Variants in HERPUD2 observed in about 807,000 individuals in gnomAD.
The protein encoded by HERPUD2 is HERPUD family member 2.
HERPUD2 carries 13 observed loss-of-function variants against 49.9 expected under a neutral mutation model. That is an observed-to-expected ratio of 0.26 (90% CI 0.17 to 0.41). The LOEUF (loss-of-function observed/expected upper bound fraction) is 0.41. Ranked by LOEUF, HERPUD2 falls within the 10% of genes least tolerant of loss-of-function variation. The pLI, the probability that HERPUD2 is intolerant of heterozygous loss-of-function variation, is 1.00. For missense variants in HERPUD2, 449 were observed against 492.2 expected (o/e 0.91, Z 0.83); for synonymous variants, 172 against 171.4 (o/e 1.00, Z -0.03).
At chr7:35,670,556 T>C (rs563253163) in intron 3 of HERPUD2, among the ~76,000 whole-genome samples, 13 of 152,200 alleles carry the variant, frequency 8.5e-5, no homozygotes, top group African/African-American at 2.4e-4. Context: ...CTGCAATTGC[T>C]GGGTTAAAAA....
Position 35,635,453 on chromosome 7 carries a change from G to C in HERPUD2, c.623C>G (p.Ala208Gly), listed in dbSNP as rs1263174544. The C allele has an allele frequency of 1.9e-6, 3 of 1,608,138 alleles. No homozygotes were observed. The highest frequency in any genetic ancestry group is 2.6e-6 in the Non-Finnish European group (3 of 1,175,714). Residue 208 changes from alanine (A) to glycine (G), a missense_variant, in exon 7 of 9, where the codon GCT (alanine) becomes GGT (glycine). Physicochemically the swap from Ala to Gly is moderately conservative, Grantham distance 60. Coordinates refer to ENST00000311350, the MANE Select transcript of HERPUD2 (RefSeq NM_022373.5). ...YAHQYYMQYQ[A>G]AVSAQATSNV... The stretch of plus-strand genomic sequence containing the variant: ...TGATGTGGCCTGAGCTGAAACTGCA[G>C]CTTGACTGAAATAGTCACCAAAATA...
At chr7:35,677,326 T>C (rs1018352790) in intron 2 of HERPUD2, among the ~76,000 whole-genome samples, 15 of 152,238 alleles carry the variant, frequency 9.9e-5, no homozygotes, top group African/African-American at 3.6e-4. Flanking sequence ...TTTTAACAAA[T>C]GCACAATCCT....
At chr7:35,689,670 G>A (rs1224294479) in intron 2 of HERPUD2, among the ~76,000 whole-genome samples, 2 of 152,056 alleles carry the variant, frequency 1.3e-5, no homozygotes, top group Non-Finnish European at 2.9e-5. Flanking sequence ...GAGAGTAAAG[G>A]AACAGTTTGA....
chr7:35,641,617 AACAG>A lies in HERPUD2; in HGVS notation c.495-3149_495-3146del, dbSNP rs1434202485. Among the ~76,000 whole-genome samples the A allele has an allele frequency of 2.0e-5, 3 of 152,218 alleles. No individual in the cohort carries two copies. The East Asian group carries it at 5.8e-4, about 29-fold the overall frequency. On this transcript the variant is annotated intron_variant, in intron 5 of 8. Coordinates refer to ENST00000311350, the MANE Select transcript of HERPUD2 (RefSeq NM_022373.5). ...CAAACCAGCACAGTACTGGTACAAAAACAGACACACAGACCAATGGAACAAAATA... is the reference window on the plus strand; with the variant it reads ...CAAACCAGCACAGTACTGGTACAAAAACACACAGACCAATGGAACAAAATA...
chr7:35,641,713 T>C (rs543607088), intron 5 of HERPUD2, among the ~76,000 whole-genome samples: 3 of 152,082 alleles, frequency 2.0e-5, no homozygotes, highest in Non-Finnish European at 2.9e-5. Context: ...AAACAAGCAA[T>C]GGGAAAACTA....
chr7:35,647,185 C>T (rs554827578), intron 5 of HERPUD2, among the ~76,000 whole-genome samples: 1 of 152,252 alleles, frequency 6.6e-6, no homozygotes, highest in East Asian at 1.9e-4. Context: ...CAAGCAGCAA[C>T]CTCATGGAAT....
intron 5 of HERPUD2, among the ~76,000 whole-genome samples, chr7:35,648,079 C>A (rs183090855): frequency 1.3e-5 from 2 of 152,140 alleles, no homozygotes; most frequent in African/African-American, 4.8e-5. Flanking sequence ...CATATCTGTA[C>A]AAGTAAAGAG....
chr7:35,658,561 A>T (rs1007122207), intron 5 of HERPUD2, among the ~76,000 whole-genome samples: 5 of 152,254 alleles, frequency 3.3e-5, no homozygotes. Context: ...TGTAATGATC[A>T]TCACATGAAC....
At chr7:35,663,660 C>T (rs1324783931) in intron 5 of HERPUD2, among the ~76,000 whole-genome samples, 2 of 152,150 alleles carry the variant, frequency 1.3e-5, no homozygotes, top group African/African-American at 4.8e-5. Context: ...TATGTAATGG[C>T]CTTTTGTCTC....
intron 5 of HERPUD2, among the ~76,000 whole-genome samples, chr7:35,665,385 G>T (rs1785515310): frequency 6.6e-6 from 1 of 152,242 alleles, no homozygotes; most frequent in Non-Finnish European, 1.5e-5. Context: ...CTAGCAATGA[G>T]CAGGGCTCCT....
chr7:35,693,263 ATGG>A (rs1275765240), intron 2 of HERPUD2, among the ~76,000 whole-genome samples: 1 of 152,192 alleles, frequency 6.6e-6, no homozygotes, highest in Non-Finnish European at 1.5e-5. Flanking sequence ...GATGCACCAA[ATGG>A]TGGTGGGGTG....
chr7:35,695,117 G>A lies in HERPUD2; in HGVS notation c.-614C>T, dbSNP rs1786294367. On this transcript the variant is annotated 5_prime_UTR_variant, in exon 1 of 9. Transcript: ENST00000311350. ...GACGAGAGCCGTTGCGCCACCGCTG[G>A]CGCGCCGGTTTTGTTGTTATTGCGA... 6.6e-6 allele frequency: 1 copy of A among 152,490 alleles called. No individual in the cohort carries two copies. The highest frequency in any genetic ancestry group is 1.5e-5 in the Non-Finnish European group (1 of 68,246). 9.4% of individuals were successfully genotyped at this position (152,490 alleles called of 1,614,324 possible).
intron 5 of HERPUD2, among the ~76,000 whole-genome samples, chr7:35,647,297 C>T (rs1010929065): frequency 1.3e-5 from 2 of 152,126 alleles, no homozygotes; most frequent in African/African-American, 2.4e-5. Context: ...ACCTCTGAAG[C>T]CCTTCCCACT....
rs372586945 is a variant in HERPUD2, at chr7:35,661,991, G to C, written c.494+5443C>G. On this transcript the variant is annotated intron_variant, in intron 5 of 8. Transcript: ENST00000311350. ...AATGCTTCCAGTTTTTGCCCATTCA[G>C]TATGATATTGGCTGTGGGTGTGTCA... Among the ~76,000 whole-genome samples, 53 of 152,318 alleles carry C rather than the reference G, an allele frequency of 3.5e-4. No homozygotes were observed. In the South Asian group the frequency reaches 0.011, roughly 30 times the overall value.
chr7:35,685,117 T>C (rs1786008735), intron 2 of HERPUD2, among the ~76,000 whole-genome samples: 1 of 151,780 alleles, frequency 6.6e-6, no homozygotes, highest in South Asian at 2.1e-4. Flanking sequence ...GGTGCATGCC[T>C]GTAGTCCCAG....
chr7:35,635,143 C>T lies in HERPUD2; in HGVS notation c.933G>A (p.Leu311=), dbSNP rs1784848695. ...TAATGAACATCACTCACAAATAAAC[C>T]AGTAGCATGGCTCCCATTACCATGA... ...RFIMVMGAML[L]VYLHQAGWFP... is the part of the protein sequence containing the mutation. The change falls in exon 7 of 9, where the codon CTG becomes CTA. Residue 311 remains leucine, a synonymous_variant. Coordinates refer to ENST00000311350, the MANE Select transcript of HERPUD2 (RefSeq NM_022373.5). 1 of 1,611,406 alleles carries T rather than the reference C, an allele frequency of 6.2e-7. No individual in the cohort carries two copies. Among genetic ancestry groups the T allele is most frequent in the Non-Finnish European group, 8.5e-7 (1 of 1,177,692 alleles).
intron 2 of HERPUD2, among the ~76,000 whole-genome samples, chr7:35,687,834 T>C (rs1050506063): frequency 1.3e-5 from 2 of 152,222 alleles, no homozygotes; most frequent in Non-Finnish European, 2.9e-5. Flanking sequence ...TACTTTTATA[T>C]TTCAAGAAAG....
Position 35,667,448 on chromosome 7 carries a change from T to C in HERPUD2, c.480A>G (p.Pro160=), listed in dbSNP as rs1345989374. 2 of 1,613,244 alleles carry C rather than the reference T, an allele frequency of 1.2e-6. No individual in the cohort carries two copies. The highest frequency in any genetic ancestry group is 3.3e-5 in the Admixed American group (2 of 60,010). The change falls in exon 5 of 9, where the codon CCA becomes CCG. Residue 160 remains proline (P), a synonymous_variant. Coordinates refer to ENST00000311350, the MANE Select transcript of HERPUD2 (RefSeq NM_022373.5). ...QTDQAQSHQF[P]YVMQGNVDNQ... is the part of the protein sequence containing the mutation. ...ATTTCACTTACCCTTGCATTACATA[T>C]GGAAACTGGTGACTCTGTGCTTGGT...
Position 35,683,331 on chromosome 7 carries a change from T to A in HERPUD2, c.148-10053A>T, listed in dbSNP as rs181848863. Among the ~76,000 whole-genome samples, 745 of 152,294 alleles carry A rather than the reference T, an allele frequency of 4.9e-3. 23 individuals carry two copies. Among genetic ancestry groups the A allele is most frequent in the Admixed American group, 0.045 (686 of 15,294 alleles). ...AACAAGAATTGGGGAAAGGACACCC[T>A]TTTCCACAAATTGTGATGGGATAAT... is the stretch of plus-strand genomic sequence containing the variant. On this transcript the variant is annotated intron_variant, in intron 2 of 8. Transcript: ENST00000311350.
Sources: gnomAD v4.1 joint callset for allele counts (sites outside exome capture counted in the v4.1 genomes callset) on GRCh38, gnomAD v4.1.1 for gene constraint, MANE v1.5 for transcripts, NCBI Gene and HGNC (gene_info 2026-07-23, HGNC 2026-07-21) for gene names.